CDKL3: variants seen among roughly 807,000 people sequenced by gnomAD.
CDKL3 encodes the protein cyclin dependent kinase like 3.
CDKL3 carries 65 observed loss-of-function variants against 69.3 expected under a neutral mutation model. The ratio of observed to expected loss-of-function variants is 0.94; its 90% confidence interval spans 0.77 to 1.15. The LOEUF (loss-of-function observed/expected upper bound fraction) is 1.15, where lower values mean the gene tolerates loss of function less well. Among genes scored for constraint, CDKL3 ranks in the 50% most tolerant of loss-of-function variants. The probability of loss-of-function intolerance (pLI) is 0.00; values close to 1 mark genes in which losing one functional copy is unlikely to be tolerated. For missense variants in CDKL3, 652 were observed against 689.2 expected, an observed-to-expected ratio of 0.95 and a Z score of 0.61; for synonymous variants, 202 against 221.6, an observed-to-expected ratio of 0.91 and a Z score of 0.79.
intron 8 of CDKL3, among the ~76,000 whole-genome samples, chr5:134,289,669 G>A (rs1361347298): frequency 6.6e-6 from 1 of 152,132 alleles, no homozygotes; most frequent in Non-Finnish European, 1.5e-5. Flanking sequence ...CTTGTCCTCT[G>A]TTAGGGTCAG....
intron 6 of CDKL3, among the ~76,000 whole-genome samples, chr5:134,314,204 T>C (rs1372948931): frequency 6.6e-6 from 1 of 152,108 alleles, no homozygotes; most frequent in East Asian, 1.9e-4. Flanking sequence ...GTTAAAAATA[T>C]GTGCTCATTT....
intron 4 of CDKL3, among the ~76,000 whole-genome samples, chr5:134,332,059 A>AT (rs1775931105): frequency 6.6e-6 from 1 of 152,192 alleles, no homozygotes; most frequent in Admixed American, 6.5e-5. Flanking sequence ...GATGATAAGC[A>AT]TTTTTTAATG....
In CDKL3 at chr5:134,325,920, C is replaced by T. The variant is rs181019236; in HGVS notation, c.540-4017G>A. On this transcript the variant is annotated intron_variant, in intron 4 of 12. Transcript: ENST00000265334. Reference sequence around the variant, plus strand: ...CTGGGACTACAGGCGCCCATCACCACGCCTGGCTTTTTTTTTTTTTTTTTT... The same window carrying T: ...CTGGGACTACAGGCGCCCATCACCATGCCTGGCTTTTTTTTTTTTTTTTTT... 9.9e-3 allele frequency among the ~76,000 whole-genome samples: 1,396 copies of T among 141,624 alleles called. 14 individuals carry two copies. Among genetic ancestry groups the T allele is most frequent in the African/African-American group, 0.032 (1,235 of 38,570 alleles). 92.9% of individuals were successfully genotyped at this position (141,624 alleles called of 152,430 possible). A position where few individuals can be genotyped will look rare whatever the true frequency, so the allele number is the denominator to read the frequency against.
chr5:134,326,422 G>GA (rs1014289387), intron 4 of CDKL3, among the ~76,000 whole-genome samples: 17 of 152,050 alleles, frequency 1.1e-4, no homozygotes, highest in African/African-American at 4.1e-4. Context: ...TGCAGAAAAA[G>GA]AGCTGTCCAA....
In CDKL3 at chr5:134,309,933, G is replaced by A. The variant is rs528556818; in HGVS notation, c.882-1206C>T. Among the ~76,000 whole-genome samples the A allele has an allele frequency of 1.4e-3, 213 of 152,134 alleles. 1 individual carries two copies. The highest frequency in any genetic ancestry group is 4.6e-3 in the African/African-American group (189 of 41,502). On this transcript the variant is annotated intron_variant, in intron 7 of 12. Transcript: ENST00000265334. ...TGCAACCCTGACCTCCTGGGCTCAAGAAATCCCCTACCTCAGCCTCCGTAG... is the reference window on the plus strand; with the variant it reads ...TGCAACCCTGACCTCCTGGGCTCAAAAAATCCCCTACCTCAGCCTCCGTAG...
intron 4 of CDKL3, among the ~76,000 whole-genome samples, chr5:134,327,890 T>C (rs1774799374): frequency 6.6e-6 from 1 of 152,186 alleles, no homozygotes; most frequent in African/African-American, 2.4e-5. Context: ...ACTGTGAGCC[T>C]ACCCAAAGCT....
chr5:134,306,689 C>A lies in CDKL3; in HGVS notation c.1378G>T (p.Ala460Ser). Residue 460 changes from alanine to serine, a missense_variant, in exon 10 of 13, where the codon GCA becomes TCA. Ala to Ser is a moderately conservative substitution (Grantham distance 99, BLOSUM62 1). Coordinates refer to ENST00000265334, the MANE Select transcript of CDKL3 (RefSeq NM_001113575.2). ...TGTGAAGAAGTGCGTCTCTTTTTTG[C>A]TCTTTCAGTTAACCTATTATTTAAA... The part of the protein sequence containing the change: ...FHPSVRLTER[A>S]KKRRTSSQSI... 1 of 1,553,824 alleles carries A rather than the reference C, an allele frequency of 6.4e-7. No homozygotes were observed. The highest frequency in any genetic ancestry group is 8.7e-7 in the Non-Finnish European group (1 of 1,155,928).
At chr5:134,348,207 T>C (rs951718075) in intron 4 of CDKL3, among the ~76,000 whole-genome samples, 1 of 152,126 alleles carries the variant, frequency 6.6e-6, no homozygotes, top group East Asian at 1.9e-4. Context: ...GGCAACATAG[T>C]GAGACCTGTC....
chr5:134,326,449 A>G (rs1032773137), intron 4 of CDKL3, among the ~76,000 whole-genome samples: 1 of 152,106 alleles, frequency 6.6e-6, no homozygotes, highest in African/African-American at 2.4e-5. Flanking sequence ...AAACGAAAAC[A>G]AAATTAACCT....
At chr5:134,365,903 T>G (rs1392954915) in intron 2 of CDKL3, among the ~76,000 whole-genome samples, 1 of 152,202 alleles carries the variant, frequency 6.6e-6, no homozygotes, top group Admixed American at 6.6e-5. Context: ...GCCAAATTCA[T>G]GTCCCATTTC....
intron 4 of CDKL3, among the ~76,000 whole-genome samples, chr5:134,325,839 C>T (rs1297885655): frequency 6.6e-6 from 1 of 151,316 alleles, no homozygotes; most frequent in Non-Finnish European, 1.5e-5. Context: ...TCTCGGCTGA[C>T]TGGAGGCTTG....
In CDKL3 at chr5:134,352,520, C is replaced by CG. The variant is rs368244456; in HGVS notation, c.361-2094_361-2093insC. 3.3e-3 allele frequency among the ~76,000 whole-genome samples: 501 copies of CG among 152,182 alleles called. 1 individual carries two copies. The highest frequency in any genetic ancestry group is 0.011 in the African/African-American group (474 of 41,534). ...TTCACCAGGTTGTCCAGGCTGGTCT[C>CG]AAACTCCTGACCTCAAGTGATTCAC... On this transcript the variant is annotated intron_variant, in intron 3 of 12. Transcript: ENST00000265334.
chr5:134,355,031 G>T (rs951095401), intron 3 of CDKL3, among the ~76,000 whole-genome samples: 7 of 151,562 alleles, frequency 4.6e-5, no homozygotes, highest in Admixed American at 6.6e-5. Context: ...GAGGCAGGAA[G>T]ATCACTTGAA....
intron 12 of CDKL3, chr5:134,299,556 G>A (rs1765806943): frequency 4.1e-6 from 5 of 1,212,464 alleles, no homozygotes; most frequent in Non-Finnish European, 5.4e-6. Context: ...TTAGGTGAAT[G>A]TACATATAAC....
At chr5:134,298,937 G>C (rs970272514) in intron 12 of CDKL3, among the ~76,000 whole-genome samples, 1 of 152,084 alleles carries the variant, frequency 6.6e-6, no homozygotes, top group African/African-American at 2.4e-5. Flanking sequence ...GCAGTGGCGT[G>C]ATCTCGGCTC....
chr5:134,286,160 C>T (rs142214535), downstream of CDKL3, among the ~76,000 whole-genome samples: 266 of 152,084 alleles, frequency 1.7e-3, 4 homozygotes, highest in Middle Eastern at 3.4e-3. Flanking sequence ...AAATTTCTTC[C>T]ACCAGTTACC....
chr5:134,330,242 T>C (rs1775446611), intron 4 of CDKL3, among the ~76,000 whole-genome samples: 2 of 151,728 alleles, frequency 1.3e-5, no homozygotes, highest in African/African-American at 4.8e-5. Flanking sequence ...TTTTTAAGAT[T>C]AGGAAAAAAA....
chr5:134,320,636 G>A (rs981599662), intron 5 of CDKL3, among the ~76,000 whole-genome samples: 1 of 151,940 alleles, frequency 6.6e-6, no homozygotes. Flanking sequence ...AGCACTTTGC[G>A]AGGCCCAGGT....
At chr5:134,302,497 T>C (rs1198851739) in intron 12 of CDKL3, 93 bp downstream of exon 12, 7 of 678,662 alleles carry the variant, frequency 1.0e-5, no homozygotes, top group South Asian at 3.6e-5. Context: ...TGAATTTTTA[T>C]ATAGCTTTCC....
Sources: allele counts gnomAD v4.1 joint callset (sites outside exome capture counted in the v4.1 genomes callset), GRCh38; gene constraint gnomAD v4.1.1; transcripts MANE v1.5; gene names NCBI Gene and HGNC (gene_info 2026-07-23, HGNC 2026-07-21).